GREB1L: variants seen among roughly 807,000 people sequenced by gnomAD.
GREB1L encodes GREB1 like retinoic acid receptor coactivator.
A neutral mutation model predicts 200.8 loss-of-function variants in GREB1L; 17 were observed. The ratio of observed to expected loss-of-function variants is 0.08; its 90% CI spans 0.06 to 0.13. GREB1L has a LOEUF of 0.13. GREB1L is among the 10% of genes least tolerant of loss of function. GREB1L has a pLI of 1.00. For synonymous variants in GREB1L, 789 were observed against 893.0 expected (o/e 0.88, Z 2.08); for missense variants, 1,657 against 2,367.7 (o/e 0.70, Z 6.23).
chr18:21,282,507 A>G (rs2038286205), intron 1 of GREB1L, among the ~76,000 whole-genome samples: 2 of 152,146 alleles, frequency 1.3e-5, no homozygotes, highest in African/African-American at 4.8e-5. Context: ...TTAAATTGTG[A>G]TGATAAAACA....
intron 15 of GREB1L, among the ~76,000 whole-genome samples, chr18:21,463,382 TGATC>T (rs776704397): frequency 2.6e-5 from 4 of 151,942 alleles, no homozygotes; most frequent in Non-Finnish European, 5.9e-5. Flanking sequence ...CCTGACCTCA[TGATC>T]CGCCCTCCTC....
chr18:21,499,591 AAG>A (rs1276309470), intron 21 of GREB1L, 136 bp from the exon 22 acceptor site: 4 of 642,972 alleles, frequency 6.2e-6, no homozygotes, highest in South Asian at 1.9e-5. Context: ...GAGAGCGGCA[AAG>A]AGAAGATTTC....
intron 1 of GREB1L, among the ~76,000 whole-genome samples, chr18:21,290,844 AAGAT>A (rs1281814592): frequency 8.6e-5 from 13 of 151,866 alleles, no homozygotes; most frequent in African/African-American, 2.4e-4. Flanking sequence ...AAAAAAAAAA[AAGAT>A]AGACCATCTC....
chr18:21,388,419 A>T (rs2040633355), intron 4 of GREB1L, among the ~76,000 whole-genome samples: 2 of 151,956 alleles, frequency 1.3e-5, no homozygotes, highest in Non-Finnish European at 2.9e-5. Context: ...TTTAATAACA[A>T]CTAAAGTCCA....
At chr18:21,332,923 G>A (rs764607235) in intron 1 of GREB1L, among the ~76,000 whole-genome samples, 30 of 151,852 alleles carry the variant, frequency 2.0e-4, no homozygotes, top group Non-Finnish European at 4.0e-4. Flanking sequence ...TCTACAAAAA[G>A]TTAGATAATT....
chr18:21,289,544 C>G, intron 1 of GREB1L, among the ~76,000 whole-genome samples: 1 of 151,152 alleles, frequency 6.6e-6, no homozygotes, highest in African/African-American at 2.4e-5. Flanking sequence ...CCATCCCCCC[C>G]CGCAAAAAAA....
chr18:21,490,966 G>A (rs1397502971), intron 19 of GREB1L, among the ~76,000 whole-genome samples: 1 of 152,102 alleles, frequency 6.6e-6, no homozygotes, highest in Admixed American at 6.6e-5. Flanking sequence ...GCATGACTGA[G>A]TCCCTCACTG....
At chr18:21,327,384 G>A (rs1240042556) in intron 1 of GREB1L, among the ~76,000 whole-genome samples, 5 of 152,006 alleles carry the variant, frequency 3.3e-5, no homozygotes. Context: ...AAACCCTGTC[G>A]ACTCAGCATC....
intron 7 of GREB1L, among the ~76,000 whole-genome samples, chr18:21,422,920 G>C (rs980956973): frequency 3.3e-5 from 5 of 152,010 alleles, no homozygotes; most frequent in African/African-American, 1.2e-4. Flanking sequence ...GAATCTGATG[G>C]GTGAAAAATA....
intron 23 of GREB1L, among the ~76,000 whole-genome samples, chr18:21,502,961 C>T (rs1012572920): frequency 1.3e-5 from 2 of 152,172 alleles, no homozygotes; most frequent in Non-Finnish European, 2.9e-5. Context: ...GGCTTTCTCC[C>T]TTCTCCCTCA....
At chr18:21,489,354 A>G (rs1430103228) in intron 18 of GREB1L, among the ~76,000 whole-genome samples, 5 of 152,162 alleles carry the variant, frequency 3.3e-5, no homozygotes, top group Admixed American at 2.0e-4. Context: ...AAGTTTCTCC[A>G]GCACCAAGGA....
chr18:21,288,515 G>A (rs1165165987), intron 1 of GREB1L, among the ~76,000 whole-genome samples: 2 of 152,196 alleles, frequency 1.3e-5, no homozygotes, highest in Admixed American at 6.5e-5. Flanking sequence ...AAATAAAAAT[G>A]AAAAGGCTCC....
At chr18:21,473,690 G>A (rs1239470569) in intron 16 of GREB1L, among the ~76,000 whole-genome samples, 6 of 151,586 alleles carry the variant, frequency 4.0e-5, no homozygotes, top group Non-Finnish European at 8.8e-5. Context: ...TTGCTTCCTC[G>A]ACTTCTCTCA....
chr18:21,448,294 TG>T (rs1175615673), intron 11 of GREB1L, among the ~76,000 whole-genome samples: 2 of 152,178 alleles, frequency 1.3e-5, no homozygotes, highest in Non-Finnish European at 2.9e-5. Flanking sequence ...TACCTCTCCC[TG>T]GCCTCCACCC....
chr18:21,436,824 C>T (rs2145189649), intron 7 of GREB1L, among the ~76,000 whole-genome samples: 1 of 151,952 alleles, frequency 6.6e-6, no homozygotes, highest in South Asian at 2.1e-4. Flanking sequence ...AACCCTCCCA[C>T]CTCAGCCTCC....
chr18:21,475,445 C>T (rs530684597), intron 16 of GREB1L, among the ~76,000 whole-genome samples: 1 of 152,194 alleles, frequency 6.6e-6, no homozygotes, highest in African/African-American at 2.4e-5. Flanking sequence ...CTGCAACCCC[C>T]GCCTTCCGGG....
chr18:21,286,607 A>G (rs1440551606), intron 1 of GREB1L, among the ~76,000 whole-genome samples: 1 of 152,220 alleles, frequency 6.6e-6, no homozygotes, highest in African/African-American at 2.4e-5. Context: ...CATGCTGAAT[A>G]TGGTTCCCAG....
chr18:21,320,628 T>C (rs912670929), intron 1 of GREB1L, among the ~76,000 whole-genome samples: 3 of 151,014 alleles, frequency 2.0e-5, no homozygotes, highest in Non-Finnish European at 4.4e-5. Flanking sequence ...TAGCCGGGCG[T>C]AGTGGTGGGT....
At position 21,526,057 on chromosome 18, in the gene GREB1L, C is replaced by T. The variant is rs2037682304; in HGVS notation, c.*3236C>T. 6.6e-6 allele frequency among the ~76,000 whole-genome samples: 1 copy of T among 152,120 alleles called. No homozygotes were observed. The highest frequency in any genetic ancestry group is 6.6e-5 in the Admixed American group (1 of 15,262). On this transcript the variant is annotated 3_prime_UTR_variant, in exon 33 of 33. Transcript: ENST00000424526. ...TGAAACTGACTGCTGCAACATCACA[C>T]TAAACTACTTAGGCCTGAAACAACA...
Sources: allele counts gnomAD v4.1 joint callset (sites outside exome capture counted in the v4.1 genomes callset), GRCh38; gene constraint gnomAD v4.1.1; transcripts MANE v1.5; gene names NCBI Gene and HGNC (gene_info 2026-07-23, HGNC 2026-07-21).